Variants in CCNB2 observed in about 807,000 individuals in gnomAD.
The protein encoded by CCNB2 is G2/mitotic-specific cyclin-B2.
Under a neutral mutation model 51.1 loss-of-function variants are expected in CCNB2, and 39 were observed. That is an observed-to-expected ratio of 0.76 (90% CI 0.59 to 1.00). The LOEUF is 1.00. Among genes scored for constraint, CCNB2 ranks in the 50% least tolerant of loss-of-function variants. The pLI is 0.00. For synonymous variants in CCNB2, 174 were observed against 165.5 expected, an observed-to-expected ratio of 1.05 and a Z score of -0.40; for missense variants, 472 against 470.3, an observed-to-expected ratio of 1.00 and a Z score of -0.03.
intron 3 of CCNB2, among the ~76,000 whole-genome samples, chr15:59,108,021 C>A (rs552921520): frequency 1.3e-5 from 2 of 151,780 alleles, no homozygotes; most frequent in Non-Finnish European, 2.9e-5. Flanking sequence ...ATAAATATTA[C>A]GACCCTGAAT....
chr15:59,119,460 CAAAAAAA>C (rs370628686), intron 7 of CCNB2, among the ~76,000 whole-genome samples: 1 of 83,930 alleles, frequency 1.2e-5, no homozygotes, highest in Non-Finnish European at 2.4e-5. Flanking sequence ...ACCCTGTCTC[CAAAAAAA>C]AAAAAAAAAA....
intron 1 of CCNB2, among the ~76,000 whole-genome samples, chr15:59,106,508 G>T (rs1375210842): frequency 6.6e-6 from 1 of 151,960 alleles, no homozygotes; most frequent in Non-Finnish European, 1.5e-5. Context: ...CTGGTTTTTT[G>T]CTTTTTTCTT....
chr15:59,113,851 C>T lies in CCNB2; in HGVS notation c.268-593C>T, dbSNP rs1040763994. Among the ~76,000 whole-genome samples the T allele has an allele frequency of 5.3e-5, 8 of 152,256 alleles. No individual in the cohort carries two copies. The East Asian group carries it at 1.5e-3, about 29-fold the overall frequency. ...AGTAGCTGGGACTACAGGGGCGCAC[C>T]ATCACGCCCAGCTAGTTTTTGTATT... On this transcript the variant is annotated intron_variant, in intron 3 of 8. Transcript: ENST00000288207.
At chr15:59,117,443 T>C in intron 7 of CCNB2, 75 bp downstream of exon 7, 2 of 1,426,714 alleles carry the variant, frequency 1.4e-6, no homozygotes, top group Non-Finnish European at 1.9e-6. Context: ...CTTAGCATTT[T>C]TACAACACTA....
intron 3 of CCNB2, among the ~76,000 whole-genome samples, chr15:59,113,132 T>C (rs1431548004): frequency 6.6e-6 from 1 of 152,252 alleles, no homozygotes; most frequent in African/African-American, 2.4e-5. Flanking sequence ...ATAATTTTTA[T>C]AAATAATTAC....
intron 1 of CCNB2, among the ~76,000 whole-genome samples, chr15:59,105,936 A>G (rs1470901953): frequency 3.3e-5 from 5 of 152,222 alleles, no homozygotes; most frequent in Non-Finnish European, 7.3e-5. Flanking sequence ...ATTTGGACCA[A>G]TGTGGCAGAC....
At position 59,123,575 on chromosome 15, in the gene CCNB2, A is replaced by G. The variant is rs776284953; in HGVS notation, c.1034A>G (p.Gln345Arg). 4 of 1,613,570 alleles carry G rather than the reference A, an allele frequency of 2.5e-6. No individual in the cohort carries two copies. In the South Asian group the frequency reaches 4.4e-5, roughly 18 times the overall value. Residue 345 changes from glutamine (Q) to arginine (R), a missense_variant, in exon 8 of 9, where the codon CAG (glutamine) becomes CGG (arginine). Physicochemically the swap from Gln to Arg is conservative, Grantham distance 43 (BLOSUM62 1). Transcript: ENST00000288207. ...YTENEVLEVM[Q>R]HMAKNVVKVN... The stretch of plus-strand genomic sequence containing the variant: ...GAGAATGAAGTATTGGAAGTCATGC[A>G]GCACATGGCCAAGAATGTGGTGAAA...
intron 3 of CCNB2, among the ~76,000 whole-genome samples, chr15:59,109,859 G>A (rs922743219): frequency 2.0e-5 from 3 of 152,098 alleles, no homozygotes; most frequent in South Asian, 2.1e-4. Context: ...GGTGGTGGGC[G>A]CCTGTAGTCC....
chr15:59,112,365 G>A (rs953326792), intron 3 of CCNB2, among the ~76,000 whole-genome samples: 6 of 146,994 alleles, frequency 4.1e-5, no homozygotes, highest in Non-Finnish European at 9.0e-5. Flanking sequence ...TTTTTTTTGA[G>A]ACAGAGTCTC....
At chr15:59,112,763 A>ACG (rs1566956126) in intron 3 of CCNB2, among the ~76,000 whole-genome samples, 1 of 151,850 alleles carries the variant, frequency 6.6e-6, no homozygotes, top group Non-Finnish European at 1.5e-5. Flanking sequence ...GGCTGGGTGC[A>ACG]GTGGCTCAAG....
chr15:59,123,394 A>C, intron 7 of CCNB2, 123 bp from the exon 8 acceptor site: 1 of 621,036 alleles, frequency 1.6e-6, no homozygotes, highest in Non-Finnish European at 2.9e-6. Flanking sequence ...CCAGAAGGTA[A>C]GAATATTCTT....
At chr15:59,112,839 C>A (rs528819250) in intron 3 of CCNB2, among the ~76,000 whole-genome samples, 235 of 151,468 alleles carry the variant, frequency 1.6e-3, no homozygotes, top group African/African-American at 5.5e-3. Flanking sequence ...TCGAGACCAT[C>A]CTGGCTAACA....
In CCNB2 at chr15:59,123,628, G is replaced by T. The variant is rs537405080; in HGVS notation, c.1086+1G>T. The T allele has an allele frequency of 1.3e-6, 2 of 1,527,190 alleles. No homozygotes were observed. The highest frequency in any genetic ancestry group is 1.8e-6 in the Non-Finnish European group (2 of 1,119,010). 94.6% of individuals were successfully genotyped at this position (1,527,190 alleles called of 1,614,324 possible). A position where few individuals can be genotyped will look rare whatever the true frequency, so the allele number is the denominator to read the frequency against. On this transcript the variant is annotated splice_donor_variant, in intron 8 of 8. Transcript: ENST00000288207. LOFTEE classifies it high-confidence loss of function. The stretch of plus-strand genomic sequence containing the variant: ...AAATGAAAACTTAACTAAATTCATC[G>T]TAAGTACTACTGTTTTCTTAAGCTG...
At chr15:59,105,344 T>C (rs1260275094) in intron 1 of CCNB2, 52 bp downstream of exon 1, 2 of 1,531,450 alleles carry the variant, frequency 1.3e-6, no homozygotes, top group Non-Finnish European at 1.8e-6. Context: ...GCCCCACAGC[T>C]CCCCTGTCGC....
intron 3 of CCNB2, among the ~76,000 whole-genome samples, chr15:59,108,388 T>C (rs1341779302): frequency 1.3e-5 from 2 of 152,108 alleles, no homozygotes; most frequent in Admixed American, 1.3e-4. Flanking sequence ...GAAAACAATG[T>C]AGGGAGGTAA....
At chr15:59,116,625 T>G in intron 5 of CCNB2, 65 bp from the exon 6 acceptor site, 2 of 1,191,522 alleles carry the variant, frequency 1.7e-6, no homozygotes, top group Non-Finnish European at 2.5e-6. Flanking sequence ...TCCTTTCCCC[T>G]TCTCCCACCT....
At chr15:59,124,666 C>A in intron 8 of CCNB2, 101 bp from the exon 9 acceptor site, 1 of 819,466 alleles carries the variant, frequency 1.2e-6, no homozygotes, top group Non-Finnish European at 2.1e-6. Flanking sequence ...TCAATGTGAT[C>A]ATGATTGTAG....
At chr15:59,113,627 T>C (rs1596330953) in intron 3 of CCNB2, among the ~76,000 whole-genome samples, 1 of 152,312 alleles carries the variant, frequency 6.6e-6, no homozygotes, top group East Asian at 1.9e-4. Flanking sequence ...AATACACATA[T>C]TAACTATAGA....
intron 3 of CCNB2, among the ~76,000 whole-genome samples, chr15:59,113,959 C>T (rs1171231730): frequency 9.2e-5 from 14 of 152,230 alleles, no homozygotes; most frequent in Admixed American, 9.2e-4. Context: ...GCCTTGGCCT[C>T]CCAAAGTGCT....
Sources: gnomAD v4.1 joint callset for allele counts (sites outside exome capture counted in the v4.1 genomes callset) on GRCh38, gnomAD v4.1.1 for gene constraint, MANE v1.5 for transcripts, NCBI Gene and HGNC (gene_info 2026-07-23, HGNC 2026-07-21) for gene names.